Variants in TREML4 observed in about 807,000 individuals in gnomAD.
TREML4 encodes the protein trem-like transcript 4 protein.
Under a neutral mutation model 25.4 loss-of-function variants are expected in TREML4, and 25 were observed. The ratio of observed to expected loss-of-function variants is 0.98; its 90% CI spans 0.72 to 1.37. TREML4 has a LOEUF of 1.37. TREML4 is among the 40% of genes most tolerant of loss of function. The pLI is 0.00. For synonymous variants in TREML4, 92 were observed against 87.9 expected (o/e 1.05, Z -0.26); for missense variants, 268 against 236.5 (o/e 1.13, Z -0.87).
intron 4 of TREML4, 71 bp from the exon 5 acceptor site, chr6:41,236,415 G>A (rs927735071): frequency 3.0e-5 from 41 of 1,371,414 alleles, no homozygotes; most frequent in Middle Eastern, 1.8e-4. Flanking sequence ...GGCCTGCCTG[G>A]CTTAGGGACA....
In TREML4 at chr6:41,230,596, C is replaced by T. The variant is rs539388058; in HGVS notation, c.506+474C>T. Among the ~76,000 whole-genome samples, 4 of 152,286 alleles carry T rather than the reference C, an allele frequency of 2.6e-5. No homozygotes were observed. The South Asian group carries it at 8.3e-4, about 32-fold the overall frequency. ...GAATAGGCTGCAATAGACTAGGTCACAGGTGCTCTAGGGGACCATGGAGCA... is the reference window on the plus strand; with the variant it reads ...GAATAGGCTGCAATAGACTAGGTCATAGGTGCTCTAGGGGACCATGGAGCA... On this transcript the variant is annotated intron_variant, in intron 4 of 5. Transcript: ENST00000341495.
At chr6:41,235,805 A>C (rs977535724) in intron 4 of TREML4, among the ~76,000 whole-genome samples, 1 of 150,956 alleles carries the variant, frequency 6.6e-6, no homozygotes, top group Admixed American at 6.6e-5. Flanking sequence ...CTCTAAAATT[A>C]TATGAAAAAG....
chr6:41,230,103 A>G lies in TREML4; in HGVS notation c.487A>G (p.Ile163Val), dbSNP rs777650297. 9 of 1,611,268 alleles carry G rather than the reference A, an allele frequency of 5.6e-6. No homozygotes were observed. The highest frequency in any genetic ancestry group is 1.7e-5 in the Admixed American group (1 of 59,984). Residue 163 changes from isoleucine (I) to valine (V), a missense_variant, in exon 4 of 6, where the codon ATC becomes GTC. Ile to Val is a conservative substitution (Grantham distance 29). Transcript: ENST00000341495. ...AGAGGGGACCTCTGGCCATCCCTCC[A>G]TCAATGGCTCTGAGACCAGGTAGGT... Reference protein sequence around the residue: ...SPEGTSGHPSINGSETRKSRA... With the variant: ...SPEGTSGHPSVNGSETRKSRA...
At position 41,228,825 on chromosome 6, in the gene TREML4, T is replaced by C. The variant is rs1457338084; in HGVS notation, c.175T>C (p.Ser59Pro). 3 of 1,614,104 alleles carry C rather than the reference T, an allele frequency of 1.9e-6. No individual in the cohort carries two copies. Among genetic ancestry groups the C allele is most frequent in the African/African-American group, 2.7e-5 (2 of 75,006 alleles). The change falls in exon 2 of 6, where the codon TCT (serine) becomes CCT (proline). Residue 59 changes from serine to proline, a missense_variant. Transcript: ENST00000341495. ...YQPKSWCQQTSPSRCTLLVTS... is the reference protein window; with the variant it reads ...YQPKSWCQQTPPSRCTLLVTS... ...GCCCAAATCCTGGTGTCAGCAGACA[T>C]CTCCAAGTCGGTGTACCTTACTTGT...
At chr6:41,232,766 T>C (rs562610480) in intron 4 of TREML4, among the ~76,000 whole-genome samples, 26 of 152,226 alleles carry the variant, frequency 1.7e-4, no homozygotes, top group African/African-American at 6.0e-4. Context: ...CCATTCATAA[T>C]AGGGTTCATG....
chr6:41,229,443 C>G, intron 2 of TREML4, 78 bp from the exon 3 acceptor site: 1 of 1,522,630 alleles, frequency 6.6e-7, no homozygotes, highest in Non-Finnish European at 9.1e-7. Context: ...TGGGCCCCTA[C>G]CTCCTCTTAT....
chr6:41,229,780 C>A, intron 3 of TREML4: 1 of 639,422 alleles, frequency 1.6e-6, no homozygotes, highest in South Asian at 1.8e-5. Context: ...GCCATGTTCT[C>A]ACGATGATGG....
chr6:41,228,362 G>A lies in TREML4; in HGVS notation c.-66G>A. Reference sequence around the variant, plus strand: ...TGGGGCAGAATCAGACCCAGCGTCTGACTCCTCCTGAGAGGGCTCCCTTTT... The same window carrying A: ...TGGGGCAGAATCAGACCCAGCGTCTAACTCCTCCTGAGAGGGCTCCCTTTT... On this transcript the variant is annotated 5_prime_UTR_variant, in exon 1 of 6. Transcript: ENST00000341495. 9.3e-7 allele frequency: 1 copy of A among 1,072,926 alleles called. No individual in the cohort carries two copies. Among genetic ancestry groups the A allele is most frequent in the African/African-American group, 2.5e-5 (1 of 39,346 alleles). 66.5% of individuals were successfully genotyped at this position (1,072,926 alleles called of 1,614,324 possible).
chr6:41,228,580 C>T, intron 1 of TREML4, 90 bp downstream of exon 1: 1 of 1,512,786 alleles, frequency 6.6e-7, no homozygotes, highest in Non-Finnish European at 9.0e-7. Context: ...GACCATAGGA[C>T]AGAATTTAGG....
chr6:41,229,549 T>A lies in TREML4; in HGVS notation c.423T>A (p.Leu141=), dbSNP rs1170061708. 4 of 1,613,638 alleles carry A rather than the reference T, an allele frequency of 2.5e-6. No individual in the cohort carries two copies. In the Middle Eastern group the frequency reaches 6.6e-4, roughly 265 times the overall value. The change falls in exon 3 of 6, where the codon CTT becomes CTA. Residue 141 remains leucine, a synonymous_variant. Coordinates refer to ENST00000341495, the MANE Select transcript of TREML4 (RefSeq NM_198153.3). ...CAACCACGTCTCCTATGTGGACTCTTCCCTGGCTCCCAACAAGCACAGGTA... is the reference window on the plus strand; with the variant it reads ...CAACCACGTCTCCTATGTGGACTCTACCCTGGCTCCCAACAAGCACAGGTA... The part of the protein sequence containing the change: ...PAPTTSPMWT[L]PWLPTSTVLI...
chr6:41,233,858 T>C (rs1417331202), intron 4 of TREML4, among the ~76,000 whole-genome samples: 1 of 151,152 alleles, frequency 6.6e-6, no homozygotes, highest in Non-Finnish European at 1.5e-5. Context: ...TTCAAATATA[T>C]AAAATATGTA....
At chr6:41,236,905 G>A (rs1766916045) in intron 5 of TREML4, 150 bp from the exon 6 acceptor site, 1 of 190,752 alleles carries the variant, frequency 5.2e-6, no homozygotes, top group African/African-American at 2.3e-5. Context: ...AGGTTTAGGA[G>A]ACAGGAAGGG....
intron 4 of TREML4, 122 bp from the exon 5 acceptor site, chr6:41,236,364 G>A (rs1033368990): frequency 2.0e-5 from 15 of 741,844 alleles, no homozygotes; most frequent in South Asian, 6.8e-5. Flanking sequence ...CTCTGTCATC[G>A]TTCAGGGTGG....
intron 4 of TREML4, among the ~76,000 whole-genome samples, chr6:41,231,364 G>A (rs4236073): frequency 5.3e-5 from 8 of 151,468 alleles, no homozygotes; most frequent in African/African-American, 9.7e-5. Flanking sequence ...TTTAGTCTTC[G>A]GTTCTTCCCC....
rs112680060 is a variant in TREML4 at position 41,228,431 on chromosome 6, G to T, written c.4G>T (p.Ala2Ser). M[A>S]WGGVHTCCFH... ...TCAGAAACAGATCTGGGCTGGAATGGCCTGGGGTGGGGTCCACACCTGCTG... is the reference window on the plus strand; with the variant it reads ...TCAGAAACAGATCTGGGCTGGAATGTCCTGGGGTGGGGTCCACACCTGCTG... Residue 2 changes from alanine (A) to serine (S), a missense_variant, in exon 1 of 6, where the codon GCC becomes TCC. Ala to Ser is a moderately conservative substitution (Grantham distance 99). Transcript: ENST00000341495. 0.012 allele frequency: 19,535 copies of T among 1,610,806 alleles called. 492 individuals carry two copies. The highest frequency in any genetic ancestry group is 0.084 in the South Asian group (7,599 of 90,324).
chr6:41,234,147 C>G (rs1020811737), intron 4 of TREML4, among the ~76,000 whole-genome samples: 3 of 151,838 alleles, frequency 2.0e-5, no homozygotes, highest in Non-Finnish European at 2.9e-5. Flanking sequence ...AATATATTCT[C>G]CAAACCTAAC....
Position 41,237,596 on chromosome 6 carries a change from C to CT in TREML4, c.*578dup, listed in dbSNP as rs1766928823. 1 of 152,150 alleles carries CT rather than the reference C, an allele frequency of 6.6e-6. No homozygotes were observed. The highest frequency in any genetic ancestry group is 2.4e-5 in the African/African-American group (1 of 41,420). The allele number at this position is 152,150 out of a possible 1,614,324, so 9.4% of individuals were successfully genotyped here. On this transcript the variant is annotated 3_prime_UTR_variant, in exon 6 of 6. Transcript: ENST00000341495. ...ACAGCAGTTGTATCCCCTCACCTTC[C>CT]TCCCGTCCCACCCCAGATATCCTAA...
Position 41,228,995 on chromosome 6 carries a change from C to A in TREML4, c.345C>A (p.Ser115=). ...GFYWCGIYNA[S]ENIITVLRNI... is the part of the protein sequence containing the mutation. ...ACTGGTGTGGAATCTACAACGCTTC[C>A]GAAAACATCATCACTGTTCTTAGAA... Residue 115 remains serine (S), a synonymous_variant, in exon 2 of 6, where the codon TCC becomes TCA. Transcript: ENST00000341495. The A allele has an allele frequency of 6.2e-7, 1 of 1,614,110 alleles. No homozygotes were observed.
intron 4 of TREML4, among the ~76,000 whole-genome samples, chr6:41,230,639 G>T (rs772024517): frequency 2.0e-4 from 30 of 152,158 alleles, no homozygotes; most frequent in African/African-American, 7.2e-4. Context: ...AGACATGAGC[G>T]ATTGATGAAA....
Sources: allele counts gnomAD v4.1 joint callset (sites outside exome capture counted in the v4.1 genomes callset), GRCh38; gene constraint gnomAD v4.1.1; transcripts MANE v1.5; gene names NCBI Gene and HGNC (gene_info 2026-07-23, HGNC 2026-07-21).